Variants in MEGF10 observed in about 807,000 individuals in gnomAD.
The protein encoded by MEGF10 is multiple EGF like domains 10.
In MEGF10, 86 loss-of-function variants were observed where a neutral mutation model predicts 147.5. The ratio of observed to expected loss-of-function variants is 0.58; its 90% CI spans 0.49 to 0.70. The LOEUF is 0.70. Among genes scored for constraint, MEGF10 ranks in the 30% least tolerant of loss-of-function variants. MEGF10 has a pLI of 0.00. For synonymous variants in MEGF10, 478 were observed against 525.5 expected, an observed-to-expected ratio of 0.91 and a Z score of 1.24; for missense variants, 1,329 against 1,487.3, an observed-to-expected ratio of 0.89 and a Z score of 1.75.
At chr5:127,314,982 A>G (rs1026379558) in intron 1 of MEGF10, among the ~76,000 whole-genome samples, 4 of 152,164 alleles carry the variant, frequency 2.6e-5, no homozygotes, top group Non-Finnish European at 4.4e-5. Context: ...TTGCAGTAAA[A>G]TGAAGATACT....
the MEGF10 span, among the ~76,000 whole-genome samples, chr5:127,277,960 TG>T: frequency 2.0e-5 from 3 of 152,174 alleles, no homozygotes; most frequent in Non-Finnish European, 4.4e-5. Flanking sequence ...TGCACATCTG[TG>T]AACCAAGTGG....
At chr5:127,421,227 G>A (rs779206875) in intron 12 of MEGF10, among the ~76,000 whole-genome samples, 3 of 152,196 alleles carry the variant, frequency 2.0e-5, no homozygotes, top group African/African-American at 4.8e-5. Context: ...ATACCTTAGA[G>A]GAGTTAGTAA....
chr5:127,344,571 A>G (rs1026037610), intron 4 of MEGF10, among the ~76,000 whole-genome samples: 25 of 152,144 alleles, frequency 1.6e-4, no homozygotes. Context: ...TCCATGTCAC[A>G]TGTTGTCAAG....
At chr5:127,280,957 C>T in the MEGF10 span, among the ~76,000 whole-genome samples, 2,267 of 152,234 alleles carry the variant, frequency 0.015, 47 homozygotes, top group African/African-American at 0.044. Flanking sequence ...ATGCATCAGC[C>T]CTGGGCTTTG....
At chr5:127,433,771 T>C (rs144077409) in intron 14 of MEGF10, among the ~76,000 whole-genome samples, 1 of 152,358 alleles carries the variant, frequency 6.6e-6, no homozygotes, top group African/African-American at 2.4e-5. Context: ...GGCACAACCA[T>C]CAGGATATAT....
At chr5:127,244,463 C>T in the MEGF10 span, among the ~76,000 whole-genome samples, 83,509 of 151,288 alleles carry the variant, frequency 0.55, 23,400 homozygotes, top group Middle Eastern at 0.71. Flanking sequence ...GCCAAAGAAA[C>T]AGAAGAAGGC....
At chr5:127,239,451 T>A in the MEGF10 span, among the ~76,000 whole-genome samples, 7 of 140,822 alleles carry the variant, frequency 5.0e-5, no homozygotes, top group African/African-American at 7.9e-5. Flanking sequence ...TATATATATA[T>A]TATATATAAA....
chr5:127,396,929 G>A (rs905780440), intron 6 of MEGF10, 151 bp downstream of exon 6: 2 of 1,107,522 alleles, frequency 1.8e-6, no homozygotes, highest in East Asian at 2.6e-5. Context: ...ATAGAGGTCA[G>A]CAGTGATGGC....
intron 1 of MEGF10, among the ~76,000 whole-genome samples, chr5:127,326,297 T>C (rs1195975175): frequency 6.6e-6 from 1 of 152,130 alleles, no homozygotes; most frequent in Non-Finnish European, 1.5e-5. Flanking sequence ...TAATTTGATT[T>C]AGAATATGCT....
At chr5:127,373,180 T>A (rs1762905125) in intron 5 of MEGF10, among the ~76,000 whole-genome samples, 1 of 152,116 alleles carries the variant, frequency 6.6e-6, no homozygotes, top group East Asian at 1.9e-4. Flanking sequence ...TAGACTAGAG[T>A]CTCGCTCTGT....
the MEGF10 span, among the ~76,000 whole-genome samples, chr5:127,278,793 G>A: frequency 6.6e-6 from 1 of 152,174 alleles, no homozygotes; most frequent in African/African-American, 2.4e-5. Flanking sequence ...TGAGAAGCAA[G>A]GTCTTCAACT....
chr5:127,253,149 G>T, the MEGF10 span, among the ~76,000 whole-genome samples: 5 of 151,962 alleles, frequency 3.3e-5, no homozygotes, highest in Non-Finnish European at 7.4e-5. Context: ...TAGGTTAAAA[G>T]AGACAAAGCA....
chr5:127,404,916 G>C (rs967828708), intron 8 of MEGF10, among the ~76,000 whole-genome samples: 9 of 151,986 alleles, frequency 5.9e-5, no homozygotes, highest in African/African-American at 2.2e-4. Flanking sequence ...GGGTTTCACT[G>C]TGTTGCCCAG....
intron 24 of MEGF10, 21 bp downstream of exon 24, chr5:127,455,628 A>G: frequency 1.2e-6 from 2 of 1,607,912 alleles, no homozygotes; most frequent in South Asian, 1.1e-5. Flanking sequence ...TTAACCATAG[A>G]AAGAACCGAG....
chr5:127,274,749 AT>A, the MEGF10 span, among the ~76,000 whole-genome samples: 1 of 152,186 alleles, frequency 6.6e-6, no homozygotes, highest in Non-Finnish European at 1.5e-5. Context: ...TAATACTTAA[AT>A]CTTTTATCTC....
At chr5:127,439,291 C>T (rs1300040158) in intron 17 of MEGF10, among the ~76,000 whole-genome samples, 2 of 152,174 alleles carry the variant, frequency 1.3e-5, no homozygotes, top group African/African-American at 2.4e-5. Context: ...TGACCTCTTA[C>T]CTTCGGTTGA....
chr5:127,456,569 T>C (rs1021795850), intron 24 of MEGF10, among the ~76,000 whole-genome samples: 7 of 152,158 alleles, frequency 4.6e-5, no homozygotes, highest in African/African-American at 1.4e-4. Flanking sequence ...GGAAAAAATA[T>C]ACAAAATAAT....
chr5:127,295,968 T>C (rs1273889617), intron 1 of MEGF10, among the ~76,000 whole-genome samples: 1 of 152,240 alleles, frequency 6.6e-6, no homozygotes, highest in Non-Finnish European at 1.5e-5. Flanking sequence ...TTTTAACTGC[T>C]CTCCTAATCT....
At chr5:127,395,357 G>T (rs1330747450) in intron 5 of MEGF10, among the ~76,000 whole-genome samples, 1 of 151,316 alleles carries the variant, frequency 6.6e-6, no homozygotes, top group East Asian at 1.9e-4. Flanking sequence ...TTCTTCCTTT[G>T]TCTTTTACCT....
Sources: gnomAD v4.1 joint callset for allele counts (sites outside exome capture counted in the v4.1 genomes callset) on GRCh38, gnomAD v4.1.1 for gene constraint, MANE v1.5 for transcripts, NCBI Gene and HGNC (gene_info 2026-07-23, HGNC 2026-07-21) for gene names.